The following SMARCAD1 variants were observed in gnomAD, a reference collection of about 807,000 sequenced individuals.
The protein encoded by SMARCAD1 is SWI/SNF-related matrix-associated actin-dependent regulator of chromatin subfamily A containing DEAD/H box 1.
In SMARCAD1, 25 loss-of-function variants were observed where a neutral mutation model predicts 127.1. The observed-to-expected ratio is 0.20, with a 90% CI of 0.14 to 0.27. The LOEUF is 0.27. Among genes scored for constraint, SMARCAD1 ranks in the 10% least tolerant of loss-of-function variants. The pLI is 1.00. For missense variants in SMARCAD1, 807 were observed against 1,206.0 expected (o/e 0.67, Z 4.90); for synonymous variants, 400 against 396.9 (o/e 1.01, Z -0.09).
At chr4:94,252,150 T>C (rs566143398) in intron 8 of SMARCAD1, among the ~76,000 whole-genome samples, 4 of 152,316 alleles carry the variant, frequency 2.6e-5, no homozygotes, top group Non-Finnish European at 5.9e-5. Context: ...ATGCCCAGCC[T>C]ATTTGAATAA....
In SMARCAD1 at chr4:94,264,882, A is replaced by G; in HGVS notation, c.1457A>G (p.Glu486Gly). 6.2e-7 allele frequency: 1 copy of G among 1,612,798 alleles called. No individual in the cohort carries two copies. The highest frequency in any genetic ancestry group is 8.5e-7 in the Non-Finnish European group (1 of 1,179,088). The change falls in exon 10 of 24, where the codon GAA becomes GGA. Residue 486 changes from glutamate (E) to glycine (G), a missense_variant. Physicochemically the swap from Glu to Gly is moderately conservative, Grantham distance 98. Around this residue, in one of 8 missense-constraint regions of SMARCAD1, gnomAD observed 257 missense variants for 303.4 expected, o/e 0.85. Coordinates refer to ENST00000354268, the MANE Select transcript of SMARCAD1 (RefSeq NM_020159.5). ...GGAAATGGAGGTGGATGGAACATAG[A>G]ACAACCTTCCATTCTAAACCAAAGG... ...LTGNGGGWNIEQPSILNQSLS... is the reference protein window; with the variant it reads ...LTGNGGGWNIGQPSILNQSLS...
intron 2 of SMARCAD1, among the ~76,000 whole-genome samples, chr4:94,212,544 T>C (rs1051365886): frequency 3.3e-5 from 5 of 151,916 alleles, no homozygotes; most frequent in Non-Finnish European, 1.5e-5. Flanking sequence ...TGGAGTGCAG[T>C]GGCACAATCT....
rs372823947 is a variant in SMARCAD1, at chr4:94,279,067, A to G, written c.2418+17A>G. The G allele has an allele frequency of 2.5e-5, 41 of 1,613,802 alleles. No individual in the cohort carries two copies. Among genetic ancestry groups the G allele is most frequent in the Non-Finnish European group, 3.1e-5 (37 of 1,179,906 alleles). ...ATGCTAAAGGTAAGGATTTCATATT[A>G]TGTTAACACTAAGCTTTAATAAGAG... On this transcript the variant is annotated intron_variant, in intron 19 of 23. Coordinates refer to ENST00000354268, the MANE Select transcript of SMARCAD1 (RefSeq NM_020159.5).
intron 8 of SMARCAD1, 72 bp from the exon 9 acceptor site, chr4:94,252,539 TTTAAG>T: frequency 9.5e-7 from 1 of 1,050,120 alleles, no homozygotes; most frequent in Non-Finnish European, 1.3e-6. Flanking sequence ...AGGTAAATGT[TTTAAG>T]TTTTTATTTG....
At position 94,270,269 on chromosome 4, in the gene SMARCAD1, G is replaced by A. The variant is rs565317988; in HGVS notation, c.1482-459G>A. ...TATACATACCACTGATATTAGGAGT[G>A]ATTGACACACATTCAGAAAGTATTT... On this transcript the variant is annotated intron_variant, in intron 10 of 23. Coordinates refer to ENST00000354268, the MANE Select transcript of SMARCAD1 (RefSeq NM_020159.5). 2.6e-5 allele frequency among the ~76,000 whole-genome samples: 4 copies of A among 152,056 alleles called. No individual in the cohort carries two copies. In the South Asian group the frequency reaches 8.3e-4, roughly 32 times the overall value.
At chr4:94,260,162 TTTC>T (rs1393331076) in intron 9 of SMARCAD1, among the ~76,000 whole-genome samples, 3 of 152,112 alleles carry the variant, frequency 2.0e-5, no homozygotes, top group Non-Finnish European at 4.4e-5. Flanking sequence ...GGACTAGTAC[TTTC>T]TGTAAAACGA....
intron 8 of SMARCAD1, among the ~76,000 whole-genome samples, chr4:94,252,026 A>G (rs1220451446): frequency 1.3e-5 from 2 of 151,796 alleles, no homozygotes; most frequent in Non-Finnish European, 2.9e-5. Context: ...TAATTTTTAT[A>G]TTTTTAGTAG....
chr4:94,207,882 G>T lies in SMARCAD1; in HGVS notation c.-238G>T. 3.0e-6 allele frequency: 1 copy of T among 332,154 alleles called. No individual in the cohort carries two copies. Among genetic ancestry groups the T allele is most frequent in the South Asian group, 2.5e-5 (1 of 40,312 alleles). 20.6% of individuals were successfully genotyped at this position (332,154 alleles called of 1,614,324 possible). On this transcript the variant is annotated 5_prime_UTR_variant, in exon 1 of 24. Coordinates refer to ENST00000354268, the MANE Select transcript of SMARCAD1 (RefSeq NM_020159.5). ...ATCGCGCCGCGTCAACTTCCGGGCGGATGCCCGCCAGCACGGCCTCCGCCG... is the reference window on the plus strand; with the variant it reads ...ATCGCGCCGCGTCAACTTCCGGGCGTATGCCCGCCAGCACGGCCTCCGCCG...
At chr4:94,212,060 C>T (rs1044510942) in intron 2 of SMARCAD1, among the ~76,000 whole-genome samples, 2 of 152,186 alleles carry the variant, frequency 1.3e-5, no homozygotes, top group African/African-American at 4.8e-5. Context: ...ACCTATTTAT[C>T]TCCATTGTTC....
At chr4:94,210,604 T>G (rs1380199495) in intron 2 of SMARCAD1, among the ~76,000 whole-genome samples, 1 of 152,068 alleles carries the variant, frequency 6.6e-6, no homozygotes, top group Non-Finnish European at 1.5e-5. Flanking sequence ...TTCAAAGTAA[T>G]GAAGGGCAGG....
chr4:94,210,561 G>A (rs188458715), intron 2 of SMARCAD1, among the ~76,000 whole-genome samples: 105 of 152,254 alleles, frequency 6.9e-4, no homozygotes, highest in Middle Eastern at 6.8e-3. Flanking sequence ...TAATGATAGC[G>A]GTAGAAATGG....
At chr4:94,249,980 AT>A (rs1251894973) in intron 7 of SMARCAD1, among the ~76,000 whole-genome samples, 2 of 152,032 alleles carry the variant, frequency 1.3e-5, no homozygotes, top group African/African-American at 4.8e-5. Context: ...TCATTAAAAA[AT>A]AACCGTAATA....
Position 94,284,991 on chromosome 4 carries a change from G to C in SMARCAD1, c.2941G>C (p.Gly981Arg), listed in dbSNP as rs191254950. The change falls in exon 23 of 24, where the codon GGG (glycine) becomes CGG (arginine). Residue 981 changes from glycine to arginine, a missense_variant. By Grantham distance (125) the Gly-to-Arg change is moderately radical (BLOSUM62 -2). Transcript: ENST00000354268. ...ACTAGTTATAAAACTAATAAGCCAA[G>C]GGACGATTGAAGAATCCATGCTAAA... is the stretch of plus-strand genomic sequence containing the variant. ...EVLVIKLISQ[G>R]TIEESMLKIN... 3.5e-5 allele frequency: 56 copies of C among 1,612,622 alleles called. No individual in the cohort carries two copies. In the Admixed American group the frequency reaches 7.8e-4, roughly 23 times the overall value.
At chr4:94,238,707 G>A (rs988750349) in intron 5 of SMARCAD1, among the ~76,000 whole-genome samples, 3 of 152,190 alleles carry the variant, frequency 2.0e-5, no homozygotes, top group African/African-American at 7.2e-5. Context: ...GGGAAGTTTT[G>A]TAGCTTCCCA....
intron 22 of SMARCAD1, among the ~76,000 whole-genome samples, chr4:94,283,621 C>T (rs896048490): frequency 3.9e-5 from 6 of 152,048 alleles, no homozygotes; most frequent in African/African-American, 7.2e-5. Flanking sequence ...TTCAGGAGAT[C>T]GAGACCATCC....
At position 94,290,917 on chromosome 4, in the gene SMARCAD1, C is replaced by T; in HGVS notation, c.*1383C>T. On this transcript the variant is annotated 3_prime_UTR_variant, in exon 24 of 24. Transcript: ENST00000354268. ...CTCTGGATTTGGAAGGCAAATAAAA[C>T]TCTTACAGTGATTATTTAGATATTA... 2.2e-6 allele frequency: 1 copy of T among 453,918 alleles called. No homozygotes were observed. Among genetic ancestry groups the T allele is most frequent in the Non-Finnish European group, 4.4e-6 (1 of 226,594 alleles). The allele number at this position is 453,918 out of a possible 1,614,324, so 28.1% of individuals were successfully genotyped here.
At chr4:94,265,926 T>C (rs555737756) in intron 10 of SMARCAD1, among the ~76,000 whole-genome samples, 1 of 152,190 alleles carries the variant, frequency 6.6e-6, no homozygotes, top group South Asian at 2.1e-4. Flanking sequence ...TATTTACTTC[T>C]GATATTTTTC....
In SMARCAD1 at chr4:94,270,157, TCAAAA is replaced by T. The variant is rs371429966; in HGVS notation, c.1482-566_1482-562del. 6.0e-4 allele frequency among the ~76,000 whole-genome samples: 91 copies of T among 151,890 alleles called. 1 individual carries two copies. In the East Asian group the frequency reaches 0.017, roughly 29 times the overall value. ...GTGAGTAGAAAGTAGCATGTAAGTGTCAAAACAAATAATTTTGCTAAACATGTGCT... is the reference window on the plus strand; with the variant it reads ...GTGAGTAGAAAGTAGCATGTAAGTGTCAAATAATTTTGCTAAACATGTGCT... On this transcript the variant is annotated intron_variant, in intron 10 of 23. Transcript: ENST00000354268.
intron 21 of SMARCAD1, 69 bp downstream of exon 21, chr4:94,281,659 TAACA>T (rs1157563078): frequency 3.0e-6 from 3 of 995,004 alleles, no homozygotes; most frequent in South Asian, 1.3e-5. Context: ...TTTAATTGTC[TAACA>T]AACAATTGAT....
Sources: allele counts gnomAD v4.1 joint callset (sites outside exome capture counted in the v4.1 genomes callset), GRCh38; gene constraint gnomAD v4.1.1; regional missense constraint gnomAD v4.1.1; transcripts MANE v1.5; gene names NCBI Gene and HGNC (gene_info 2026-07-23, HGNC 2026-07-21).